CLCN6: variants seen among roughly 807,000 people sequenced by gnomAD.
CLCN6 encodes H(+)/Cl(-) exchange transporter 6.
In CLCN6, 70 loss-of-function variants were observed where a neutral mutation model predicts 109.8. The ratio of observed to expected loss-of-function variants is 0.64; its 90% confidence interval spans 0.53 to 0.78. CLCN6 has a LOEUF of 0.78. Among genes scored for constraint, CLCN6 ranks in the 30% least tolerant of loss-of-function variants. CLCN6 has a pLI of 0.00. For missense variants in CLCN6, 984 were observed against 1,142.3 expected, an observed-to-expected ratio of 0.86 and a Z score of 2.00; for synonymous variants, 444 against 447.8, an observed-to-expected ratio of 0.99 and a Z score of 0.11.
chr1:11,822,595 C>T (rs1157880927), intron 5 of CLCN6, 100 bp from the exon 6 acceptor site: 8 of 696,362 alleles, frequency 1.1e-5, no homozygotes, highest in Non-Finnish European at 1.5e-5. Flanking sequence ...GTGCACTCAG[C>T]AGCCAGCATG....
rs1379775682 is a variant in CLCN6, at chr1:11,834,882, G to A, written c.1793+292G>A. 2.0e-5 allele frequency among the ~76,000 whole-genome samples: 3 copies of A among 152,134 alleles called. No homozygotes were observed. The highest frequency in any genetic ancestry group is 6.5e-5 in the Admixed American group (1 of 15,282). On this transcript the variant is annotated intron_variant, in intron 17 of 22. Transcript: ENST00000346436. This position sits in a 1 kb window ranked among gnomAD's most constrained non-coding sequence, Gnocchi z 4.5. ...GAGGTGAGGTCTCTGGATCAAGTTCGTGATGTGATTGAATGTTTAAGGGTA... is the reference window on the plus strand; with the variant it reads ...GAGGTGAGGTCTCTGGATCAAGTTCATGATGTGATTGAATGTTTAAGGGTA...
At chr1:11,838,472 G>T in intron 21 of CLCN6, 30 bp downstream of exon 21, 4 of 1,610,510 alleles carry the variant, frequency 2.5e-6, no homozygotes, top group Non-Finnish European at 3.4e-6. Context: ...CCTGTCCCAT[G>T]CGGAGCTGCC....
At chr1:11,815,177 A>T (rs1644654094) in intron 2 of CLCN6, among the ~76,000 whole-genome samples, 1 of 152,350 alleles carries the variant, frequency 6.6e-6, no homozygotes, top group Admixed American at 6.5e-5. Flanking sequence ...GTTCTGGCTA[A>T]CTGAAACTTT....
At chr1:11,813,415 G>A (rs1362009361) in intron 2 of CLCN6, among the ~76,000 whole-genome samples, 2 of 145,590 alleles carry the variant, frequency 1.4e-5, no homozygotes, top group South Asian at 4.3e-4. Flanking sequence ...TTTTGAGACC[G>A]AGTCTCACTC....
At chr1:11,813,536 G>A (rs1251469303) in intron 2 of CLCN6, among the ~76,000 whole-genome samples, 1 of 152,012 alleles carries the variant, frequency 6.6e-6, no homozygotes, top group Non-Finnish European at 1.5e-5. Flanking sequence ...GATTACAAGT[G>A]TGTGCCACCA....
Position 11,827,202 on chromosome 1 carries a change from A to G in CLCN6, c.821A>G (p.Gln274Arg), listed in dbSNP as rs750617374. ...GAGGAGGGTTCGTCCTTCTGGAACC[A>G]AGGGCTCACGTGGAAAGTGGTGAGG... ...SLEEGSSFWN[Q>R]GLTWKVLFCS... The change falls in exon 10 of 23, where the codon CAA becomes CGA. Residue 274 changes from glutamine (Q) to arginine (R), a missense_variant. Physicochemically the swap from Gln to Arg is conservative, Grantham distance 43 (BLOSUM62 1). Coordinates refer to ENST00000346436, the MANE Select transcript of CLCN6 (RefSeq NM_001286.5). 13 of 1,612,552 alleles carry G rather than the reference A, an allele frequency of 8.1e-6. No homozygotes were observed.
intron 3 of CLCN6, among the ~76,000 whole-genome samples, 190 bp from the exon 4 acceptor site, chr1:11,816,425 C>T (rs759177441): frequency 4.6e-5 from 7 of 152,234 alleles, no homozygotes; most frequent in Non-Finnish European, 8.8e-5. Flanking sequence ...TTCCCCCTGT[C>T]AGTGCACCTT....
At chr1:11,816,744 C>T in intron 4 of CLCN6, 64 bp downstream of exon 4, 1 of 1,221,930 alleles carries the variant, frequency 8.2e-7, no homozygotes, top group Non-Finnish European at 1.2e-6. Context: ...AGGGAAAGCC[C>T]TGGCCTGGTG....
chr1:11,838,440 G>A lies in CLCN6; in HGVS notation c.2401G>A (p.Val801Met), dbSNP rs370182454. Residue 801 changes from valine to methionine, a missense_variant and splice_region_variant, in exon 21 of 23, where the codon GTG (valine) becomes ATG (methionine). Val to Met is a conservative substitution (Grantham distance 21). Coordinates refer to ENST00000346436, the MANE Select transcript of CLCN6 (RefSeq NM_001286.5). The stretch of plus-strand genomic sequence containing the variant: ...GACGCTGCTCAACCCGCGCATGATC[G>A]TGGTGAGAAGGGCTGCCCCGGCCTG... ...DLTLLNPRMIVDVTPYMNPSP... is the reference protein window; with the variant it reads ...DLTLLNPRMIMDVTPYMNPSP... 2.4e-5 allele frequency: 38 copies of A among 1,613,990 alleles called. No individual in the cohort carries two copies. The highest frequency in any genetic ancestry group is 1.6e-4 in the Middle Eastern group (1 of 6,082).
chr1:11,828,081 T>A (rs1204655087), intron 10 of CLCN6, 25 bp from the exon 11 acceptor site: 2 of 1,566,450 alleles, frequency 1.3e-6, no homozygotes, highest in Non-Finnish European at 8.8e-7. Flanking sequence ...CTGAACCTTC[T>A]TGTCTTTTGT....
Position 11,834,539 on chromosome 1 carries a change from G to A in CLCN6, c.1742G>A (p.Gly581Asp). Residue 581 changes from glycine to aspartate, a missense_variant, in exon 17 of 23, where the codon GGC becomes GAC. Physicochemically the swap from Gly to Asp is moderately conservative, Grantham distance 94. Coordinates refer to ENST00000346436, the MANE Select transcript of CLCN6 (RefSeq NM_001286.5). This position sits in a 1 kb window ranked among gnomAD's most constrained non-coding sequence, Gnocchi z 4.5. ...FNKGIYDIHV[G>D]LRGVPLLEWE... ...AAGGGCATTTATGATATCCACGTGG[G>A]CCTGCGAGGCGTGCCGCTTCTGGAA... 1 of 1,614,124 alleles carries A rather than the reference G, an allele frequency of 6.2e-7. No homozygotes were observed. The highest frequency in any genetic ancestry group is 2.2e-5 in the East Asian group (1 of 44,880).
At position 11,815,829 on chromosome 1, in the gene CLCN6, A is replaced by T. The variant is rs1286657317; in HGVS notation, c.148-17A>T. On this transcript the variant is annotated splice_polypyrimidine_tract_variant and intron_variant, in intron 2 of 22. Coordinates refer to ENST00000346436, the MANE Select transcript of CLCN6 (RefSeq NM_001286.5). ...TCACCTGACATGACCTTTTGACTCA[A>T]CTTTGCCTCTTTTCAGAGTTTGGAT... is the stretch of plus-strand genomic sequence containing the variant. The T allele has an allele frequency of 3.7e-6, 6 of 1,611,120 alleles. No homozygotes were observed. The Admixed American group carries it at 5.0e-5, about 13-fold the overall frequency.
intron 19 of CLCN6, 87 bp from the exon 20 acceptor site, chr1:11,837,256 A>G: frequency 1.3e-6 from 2 of 1,585,642 alleles, no homozygotes; most frequent in Non-Finnish European, 1.7e-6. Context: ...TTTCCTGGGA[A>G]AGTTGGATGG....
chr1:11,822,606 A>T, intron 5 of CLCN6, 89 bp from the exon 6 acceptor site: 2 of 780,138 alleles, frequency 2.6e-6, no homozygotes, highest in South Asian at 3.0e-5. Flanking sequence ...AGCCAGCATG[A>T]TCCAAAGGAG....
chr1:11,837,614 A>G, intron 20 of CLCN6, 115 bp downstream of exon 20: 1 of 1,053,994 alleles, frequency 9.5e-7, no homozygotes, highest in South Asian at 1.5e-5. Flanking sequence ...CAAGGCGAGA[A>G]GTGCAGAGTG....
At chr1:11,815,794 G>A in intron 2 of CLCN6, 52 bp from the exon 3 acceptor site, 1 of 1,396,136 alleles carries the variant, frequency 7.2e-7, no homozygotes, top group Non-Finnish European at 1.0e-6. Context: ...TTGTCCCTTT[G>A]CAGGTCTTCT....
chr1:11,831,473 G>C (rs985898746), intron 13 of CLCN6, among the ~76,000 whole-genome samples: 8 of 152,078 alleles, frequency 5.3e-5, no homozygotes, highest in Admixed American at 2.0e-4. Context: ...TATTTTTAAA[G>C]GGTTGAGAGA....
intron 5 of CLCN6, among the ~76,000 whole-genome samples, chr1:11,819,828 A>G (rs1346714284): frequency 2.6e-5 from 4 of 152,204 alleles, no homozygotes; most frequent in Non-Finnish European, 5.9e-5. Context: ...TCAAAATTCC[A>G]ATAGAATTTG....
intron 4 of CLCN6, among the ~76,000 whole-genome samples, chr1:11,817,260 G>A (rs1041804585): frequency 2.6e-4 from 39 of 152,240 alleles, no homozygotes; most frequent in African/African-American, 8.7e-4. Context: ...GCTCTTTAGG[G>A]AAAAAGCGAA....
Sources: gnomAD v4.1 joint callset for allele counts (sites outside exome capture counted in the v4.1 genomes callset) on GRCh38, gnomAD v4.1.1 for gene constraint, Gnocchi (gnomAD v3.1) non-coding constraint, MANE v1.5 for transcripts, NCBI Gene and HGNC (gene_info 2026-07-23, HGNC 2026-07-21) for gene names.